The following CAPN14 variants were observed in gnomAD, a reference collection of about 807,000 sequenced individuals.
The protein encoded by CAPN14 is calpain 14.
A neutral mutation model predicts 101.3 loss-of-function variants in CAPN14; 94 were observed. That is an observed-to-expected ratio of 0.93 (90% CI 0.79 to 1.10). The LOEUF (loss-of-function observed/expected upper bound fraction) is 1.10. CAPN14 is among the 50% of genes least tolerant of loss of function. CAPN14 has a pLI of 0.00. For missense variants in CAPN14, 837 were observed against 828.4 expected (o/e 1.01, Z -0.13); for synonymous variants, 338 against 317.9 (o/e 1.06, Z -0.67).
At chr2:31,211,819 T>C (rs560987720) in intron 1 of CAPN14, among the ~76,000 whole-genome samples, 17 of 152,280 alleles carry the variant, frequency 1.1e-4, no homozygotes, top group Admixed American at 9.2e-4. Context: ...TAGTATGTAT[T>C]ACTTTTATCA....
chr2:31,222,868 G>T (rs750159602), intron 2 of CAPN14, among the ~76,000 whole-genome samples: 41 of 152,214 alleles, frequency 2.7e-4, no homozygotes, highest in Admixed American at 6.5e-4. Flanking sequence ...ATGGAGCCTT[G>T]TGGAGGTACT....
At chr2:31,227,663 T>A (rs1297047143) in intron 1 of CAPN14, among the ~76,000 whole-genome samples, 1 of 152,226 alleles carries the variant, frequency 6.6e-6, no homozygotes, top group African/African-American at 2.4e-5. Flanking sequence ...TACCCTGGTT[T>A]CACTGATGAG....
intron 1 of CAPN14, among the ~76,000 whole-genome samples, chr2:31,231,603 G>T (rs771401772): frequency 2.0e-5 from 3 of 152,162 alleles, no homozygotes; most frequent in Non-Finnish European, 4.4e-5. Context: ...AGACTGAGAC[G>T]GGAGTAGATG....
chr2:31,224,342 T>C (rs1682956672), intron 2 of CAPN14, among the ~76,000 whole-genome samples: 1 of 152,164 alleles, frequency 6.6e-6, no homozygotes, highest in African/African-American at 2.4e-5. Flanking sequence ...GCTGAGAAGA[T>C]ACTACACACT....
At chr2:31,209,991 G>C (rs74625935) in intron 1 of CAPN14, among the ~76,000 whole-genome samples, 6,484 of 152,274 alleles carry the variant, frequency 0.043, 152 homozygotes, top group African/African-American at 0.056. Context: ...GGAAGTTTCC[G>C]TGTTGTCCAG....
At chr2:31,195,205 T>A (rs933147912) in intron 8 of CAPN14, among the ~76,000 whole-genome samples, 1 of 152,120 alleles carries the variant, frequency 6.6e-6, no homozygotes, top group Non-Finnish European at 1.5e-5. Flanking sequence ...TTCACAGGGG[T>A]TCCCTTGCGT....
At chr2:31,216,182 C>A (rs1682635332) in intron 1 of CAPN14, among the ~76,000 whole-genome samples, 1 of 152,202 alleles carries the variant, frequency 6.6e-6, no homozygotes, top group African/African-American at 2.4e-5. Flanking sequence ...CACAAAAACT[C>A]TTTGATTCCA....
intron 10 of CAPN14, 62 bp downstream of exon 10, chr2:31,193,069 T>A: frequency 2.0e-6 from 3 of 1,463,946 alleles, no homozygotes; most frequent in Non-Finnish European, 2.7e-6. Flanking sequence ...CCCTGTGCAG[T>A]CATTCTGACA....
At chr2:31,231,997 G>A (rs932559094) in intron 1 of CAPN14, among the ~76,000 whole-genome samples, 1 of 152,174 alleles carries the variant, frequency 6.6e-6, no homozygotes, top group Non-Finnish European at 1.5e-5. Context: ...AACAAGAGAT[G>A]ATCAGTTTTG....
At position 31,194,583 on chromosome 2, in the gene CAPN14, C is replaced by T. The variant is rs1043858393; in HGVS notation, c.876-100G>A. 6 of 769,296 alleles carry T rather than the reference C, an allele frequency of 7.8e-6. No homozygotes were observed. The African/African-American group carries it at 1.1e-4, about 14-fold the overall frequency. The allele number at this position is 769,296 out of a possible 1,614,324, so 47.7% of individuals were successfully genotyped here. ...ATTATTTATTATTATTTTCATACTA[C>T]CTCAGACAACTAAATTTCCCATTCC... On this transcript the variant is annotated intron_variant, in intron 8 of 21. Coordinates refer to ENST00000403897, the MANE Select transcript of CAPN14 (RefSeq NM_001145122.2).
chr2:31,191,501 C>G lies in CAPN14; in HGVS notation c.1279-94G>C, dbSNP rs1203207311. 10 of 1,251,818 alleles carry G rather than the reference C, an allele frequency of 8.0e-6. No homozygotes were observed. In the South Asian group the frequency reaches 9.8e-5, roughly 12 times the overall value. 77.5% of individuals were successfully genotyped at this position (1,251,818 alleles called of 1,614,324 possible). A position where few individuals can be genotyped will look rare whatever the true frequency, so the allele number is the denominator to read the frequency against. On this transcript the variant is annotated intron_variant, in intron 11 of 21. Coordinates refer to ENST00000403897, the MANE Select transcript of CAPN14 (RefSeq NM_001145122.2). ...TCTGGCTCTTTCATAAACCGAAACC[C>G]GAATAGAAGCTGATATACAAGGCTC... is the stretch of plus-strand genomic sequence containing the variant.
chr2:31,180,141 G>GAGTT (rs1248656917), intron 17 of CAPN14, among the ~76,000 whole-genome samples: 9 of 151,818 alleles, frequency 5.9e-5, no homozygotes, highest in African/African-American at 1.2e-4. Flanking sequence ...ATCCATCACT[G>GAGTT]AGTTACACAC....
At chr2:31,209,128 C>T (rs1366160417) in intron 1 of CAPN14, among the ~76,000 whole-genome samples, 6 of 148,398 alleles carry the variant, frequency 4.0e-5, no homozygotes, top group Admixed American at 1.4e-4. Context: ...TGCCACCATG[C>T]GCAGCTAACT....
At chr2:31,181,659 C>A (rs1680639526) in intron 16 of CAPN14, among the ~76,000 whole-genome samples, 1 of 127,454 alleles carries the variant, frequency 7.8e-6, no homozygotes, top group African/African-American at 3.0e-5. Context: ...TCTCCTAATG[C>A]TATCCCTCCC....
In CAPN14 at chr2:31,174,403, T is replaced by A. The variant is rs1242993083; in HGVS notation, c.*278A>T. 1.6e-5 allele frequency: 9 copies of A among 562,904 alleles called. No homozygotes were observed. Among genetic ancestry groups the A allele is most frequent in the Admixed American group, 3.2e-5 (1 of 31,242 alleles). 34.9% of individuals were successfully genotyped at this position (562,904 alleles called of 1,614,324 possible). ...CTGGAGTCAGAATGCTTAGGCCATGTCAGGTAACATCTCCGCTTGTGACAA... is the reference window on the plus strand; with the variant it reads ...CTGGAGTCAGAATGCTTAGGCCATGACAGGTAACATCTCCGCTTGTGACAA... On this transcript the variant is annotated 3_prime_UTR_variant, in exon 22 of 22. Coordinates refer to ENST00000403897, the MANE Select transcript of CAPN14 (RefSeq NM_001145122.2).
chr2:31,205,095 G>A, intron 2 of CAPN14, 128 bp downstream of exon 2: 1 of 747,374 alleles, frequency 1.3e-6, no homozygotes, highest in Non-Finnish European at 2.2e-6. Context: ...TTAGAAGAGT[G>A]TGTTGTGTTG....
At chr2:31,180,549 A>G (rs959287317) in intron 17 of CAPN14, among the ~76,000 whole-genome samples, 1 of 152,068 alleles carries the variant, frequency 6.6e-6, no homozygotes, top group African/African-American at 2.4e-5. Flanking sequence ...TAAATGGAAA[A>G]CATAGGGCCC....
At chr2:31,197,651 T>C (rs1325333196) in intron 7 of CAPN14, among the ~76,000 whole-genome samples, 1 of 152,170 alleles carries the variant, frequency 6.6e-6, no homozygotes, top group Non-Finnish European at 1.5e-5. Flanking sequence ...ATGACCCTAT[T>C]TGGAAAAAGG....
At chr2:31,216,646 A>G (rs751604582) in intron 1 of CAPN14, among the ~76,000 whole-genome samples, 3 of 152,108 alleles carry the variant, frequency 2.0e-5, no homozygotes, top group Admixed American at 6.5e-5. Flanking sequence ...TGGAAGATGT[A>G]CCCAGGCTGA....
Sources: gnomAD v4.1 joint callset for allele counts (sites outside exome capture counted in the v4.1 genomes callset) on GRCh38, gnomAD v4.1.1 for gene constraint, MANE v1.5 for transcripts, NCBI Gene and HGNC (gene_info 2026-07-23, HGNC 2026-07-21) for gene names.